OPCML: variants seen among roughly 807,000 people sequenced by gnomAD.
OPCML encodes the protein opioid binding protein/cell adhesion molecule like, also known as opioid-binding protein/cell adhesion molecule.
In OPCML, 13 loss-of-function variants were observed where a neutral mutation model predicts 37.8. The ratio of observed to expected loss-of-function variants is 0.34; its 90% CI spans 0.22 to 0.55. The LOEUF is 0.55. Ranked by LOEUF, OPCML falls within the 20% of genes least tolerant of loss-of-function variation. The pLI is 0.91. For synonymous variants in OPCML, 176 were observed against 168.8 expected, an observed-to-expected ratio of 1.04 and a Z score of -0.33; for missense variants, 341 against 435.6, an observed-to-expected ratio of 0.78 and a Z score of 1.93.
intron 2 of OPCML, among the ~76,000 whole-genome samples, chr11:132,892,689 C>G (rs957927300): frequency 2.0e-5 from 3 of 152,156 alleles, no homozygotes; most frequent in Non-Finnish European, 4.4e-5. Flanking sequence ...ATTGCTTGAA[C>G]CTGGGAGGCA....
intron 1 of OPCML, among the ~76,000 whole-genome samples, chr11:133,359,066 G>T (rs967485743): frequency 5.3e-5 from 8 of 152,128 alleles, no homozygotes; most frequent in Admixed American, 4.6e-4. Context: ...GCCATCAGAG[G>T]AATTTGAAAA....
intron 1 of OPCML, among the ~76,000 whole-genome samples, chr11:133,201,085 C>T (rs1204184343): frequency 6.6e-6 from 1 of 152,014 alleles, no homozygotes; most frequent in East Asian, 1.9e-4. Context: ...ACATTGAGTA[C>T]ATATGTATAC....
chr11:133,049,974 A>G (rs1425101381), intron 1 of OPCML, among the ~76,000 whole-genome samples: 7 of 152,216 alleles, frequency 4.6e-5, no homozygotes, highest in Admixed American at 3.9e-4. Flanking sequence ...TTTTGTAGCT[A>G]AGGTGGAAAT....
intron 1 of OPCML, among the ~76,000 whole-genome samples, chr11:133,220,069 C>T (rs1939752214): frequency 6.6e-6 from 1 of 152,180 alleles, no homozygotes; most frequent in Non-Finnish European, 1.5e-5. Context: ...ATCATTCATT[C>T]CTTCAACCCT....
intron 4 of OPCML, among the ~76,000 whole-genome samples, chr11:132,478,300 A>G (rs2096164518): frequency 6.6e-6 from 1 of 152,246 alleles, no homozygotes; most frequent in African/African-American, 2.4e-5. Context: ...ATTTCTAACT[A>G]TAAGATAGGG....
intron 3 of OPCML, among the ~76,000 whole-genome samples, chr11:132,546,134 T>A (rs950306126): frequency 6.6e-6 from 1 of 152,230 alleles, no homozygotes; most frequent in Admixed American, 6.5e-5. Flanking sequence ...ATGGTTTTGA[T>A]TACATCATGT....
At chr11:133,193,734 G>A (rs1019817520) in intron 1 of OPCML, among the ~76,000 whole-genome samples, 2 of 152,016 alleles carry the variant, frequency 1.3e-5, no homozygotes, top group African/African-American at 2.4e-5. Context: ...TCTTCAGGAG[G>A]AAAAAATAAG....
chr11:132,914,605 G>A (rs1461435599), intron 2 of OPCML, among the ~76,000 whole-genome samples: 2 of 152,194 alleles, frequency 1.3e-5, no homozygotes, highest in Non-Finnish European at 2.9e-5. Context: ...GGCTGTGCTG[G>A]AAGGCGGGCT....
intron 1 of OPCML, among the ~76,000 whole-genome samples, chr11:133,486,841 C>A (rs956578343): frequency 7.4e-6 from 1 of 135,998 alleles, no homozygotes; most frequent in Non-Finnish European, 1.5e-5. Context: ...GCTCTCTCCC[C>A]CCCTTCTCTC....
At chr11:132,877,507 G>T (rs1196727074) in intron 2 of OPCML, among the ~76,000 whole-genome samples, 2 of 152,154 alleles carry the variant, frequency 1.3e-5, no homozygotes, top group Non-Finnish European at 2.9e-5. Context: ...TTATTTGTAG[G>T]AAGGGGCAGC....
At chr11:133,182,509 G>T (rs484610) in intron 1 of OPCML, among the ~76,000 whole-genome samples, 103,905 of 152,016 alleles carry the variant, frequency 0.68, 37,282 homozygotes, top group African/African-American at 0.88. Flanking sequence ...AGACAATTCT[G>T]GTGCTAAAGA....
intron 1 of OPCML, among the ~76,000 whole-genome samples, chr11:133,091,779 A>G (rs1239070965): frequency 6.6e-6 from 1 of 152,148 alleles, no homozygotes; most frequent in African/African-American, 2.4e-5. Flanking sequence ...GATGACTTGT[A>G]CCTTGAGTCT....
intron 1 of OPCML, among the ~76,000 whole-genome samples, chr11:133,102,611 G>C (rs933626267): frequency 6.6e-6 from 1 of 152,020 alleles, no homozygotes; most frequent in Non-Finnish European, 1.5e-5. Flanking sequence ...TTCACCAGGC[G>C]TGGTGGCAGG....
intron 3 of OPCML, among the ~76,000 whole-genome samples, chr11:132,605,187 G>A (rs1036107327): frequency 6.6e-6 from 1 of 152,188 alleles, no homozygotes; most frequent in African/African-American, 2.4e-5. Context: ...GCATGGGCTA[G>A]AGATAATGCA....
intron 1 of OPCML, among the ~76,000 whole-genome samples, chr11:133,410,634 T>TA (rs71038527): frequency 0.016 from 741 of 46,990 alleles, 158 homozygotes; most frequent in East Asian, 0.029. Context: ...AGAAAAAAAG[T>TA]AAAAAAAAAA....
intron 1 of OPCML, among the ~76,000 whole-genome samples, chr11:132,990,023 C>A (rs1170115120): frequency 6.6e-6 from 1 of 152,186 alleles, no homozygotes; most frequent in African/African-American, 2.4e-5. Flanking sequence ...CTGAAGTTCA[C>A]TGAATCCCAA....
At chr11:133,497,532 C>G (rs1298983034) in intron 1 of OPCML, among the ~76,000 whole-genome samples, 2 of 151,996 alleles carry the variant, frequency 1.3e-5, no homozygotes, top group African/African-American at 4.8e-5. Context: ...ATTCTTGTTA[C>G]TACGATGCTT....
rs184046658 is a variant in OPCML at position 133,029,907 on chromosome 11, A to T, written c.62-86897T>A. On this transcript the variant is annotated intron_variant, in intron 1 of 7. Coordinates refer to ENST00000524381, the MANE Select transcript of OPCML (RefSeq NM_001012393.5). Reference sequence around the variant, plus strand: ...ACTCATTCATTATCTATAGCAATCTAAGTAGGGAATAATTATCTTCATCTT... The same window carrying T: ...ACTCATTCATTATCTATAGCAATCTTAGTAGGGAATAATTATCTTCATCTT... Among the ~76,000 whole-genome samples the T allele has an allele frequency of 1.7e-3, 252 of 152,270 alleles. 1 individual carries two copies. Among genetic ancestry groups the T allele is most frequent in the Non-Finnish European group, 2.9e-3 (194 of 68,032 alleles).
intron 1 of OPCML, among the ~76,000 whole-genome samples, chr11:133,531,904 G>A (rs535695918): frequency 2.8e-4 from 42 of 152,236 alleles, no homozygotes; most frequent in Admixed American, 2.1e-3. Context: ...GCAGCAAGAA[G>A]GATTTATGGC....
Sources: gnomAD v4.1 joint callset for allele counts (sites outside exome capture counted in the v4.1 genomes callset) on GRCh38, gnomAD v4.1.1 for gene constraint, MANE v1.5 for transcripts, NCBI Gene and HGNC (gene_info 2026-07-23, HGNC 2026-07-21) for gene names.